Variants in ZNF263 observed in about 807,000 individuals in gnomAD.
ZNF263 encodes the protein zinc finger protein FPM315.
In ZNF263, 49 loss-of-function variants were observed where a neutral mutation model predicts 63.1. The ratio of observed to expected loss-of-function variants is 0.78; its 90% CI spans 0.62 to 0.99. The LOEUF is 0.99. Ranked by LOEUF, ZNF263 falls within the 50% of genes least tolerant of loss-of-function variation. The pLI is 0.00. For synonymous variants in ZNF263, 352 were observed against 324.2 expected (o/e 1.09, Z -0.92); for missense variants, 872 against 854.8 (o/e 1.02, Z -0.25).
At chr16:3,289,335 A>G (rs1019531389) in intron 5 of ZNF263, 58 bp from the exon 6 acceptor site, 2 of 1,480,350 alleles carry the variant, frequency 1.4e-6, no homozygotes, top group Non-Finnish European at 1.8e-6. Flanking sequence ...GACAGGTGGG[A>G]TTTTCTTTTC....
At chr16:3,294,082 C>T (rs889019221), downstream of ZNF263, among the ~76,000 whole-genome samples, 3 of 152,190 alleles carry the variant, frequency 2.0e-5, no homozygotes, top group South Asian at 2.1e-4. Flanking sequence ...CCCGCCACCA[C>T]GCCTGGCTAA....
In ZNF263 at chr16:3,290,689, G is replaced by T; in HGVS notation, c.*131G>T. ...TTCAGGTAATGGGGGCTCATTGTGA[G>T]GGAGGTGCAGAGGCAGCAGAGGATT... On this transcript the variant is annotated 3_prime_UTR_variant, in exon 6 of 6. Coordinates refer to ENST00000219069, the MANE Select transcript of ZNF263 (RefSeq NM_005741.5). The T allele has an allele frequency of 6.9e-7, 1 of 1,444,594 alleles. No homozygotes were observed. 89.5% of individuals were successfully genotyped at this position (1,444,594 alleles called of 1,614,324 possible).
chr16:3,292,943 C>T (rs1331136362), downstream of ZNF263: 1 of 152,228 alleles, frequency 6.6e-6, no homozygotes, highest in East Asian at 1.9e-4. Context: ...CAAAAGATTT[C>T]CTTCTAAGCA....
chr16:3,290,078 GA>G lies in ZNF263; in HGVS notation c.1576del (p.Ser526ValfsTer30). ...ERPYKCPECG[K>X]SFSRSSHLVI... ...GACCTTATAAGTGTCCCGAGTGTGG[GA>G]AAAGTTTCTCTCGGAGTTCACACCT... On this transcript the variant is annotated frameshift_variant, in exon 6 of 6. Transcript: ENST00000219069. LOFTEE classifies it high-confidence loss of function. 1 of 1,613,992 alleles carries G rather than the reference GA, an allele frequency of 6.2e-7. No individual in the cohort carries two copies. Among genetic ancestry groups the G allele is most frequent in the Non-Finnish European group, 8.5e-7 (1 of 1,179,992 alleles).
chr16:3,299,558 T>C, intron 2 of ZNF263: 1 of 1,532,646 alleles, frequency 6.5e-7, no homozygotes, highest in South Asian at 1.3e-5. Context: ...TCTTCAAATA[T>C]TACAAGACTC....
In ZNF263 at chr16:3,290,723, A is replaced by G; in HGVS notation, c.*165A>G. On this transcript the variant is annotated 3_prime_UTR_variant, in exon 6 of 6. Coordinates refer to ENST00000219069, the MANE Select transcript of ZNF263 (RefSeq NM_005741.5). Reference sequence around the variant, plus strand: ...AGAGGCAGCAGAGGATTGGCATAAAACTGAAAAGGAGTTCTGTCTGCATGA... The same window carrying G: ...AGAGGCAGCAGAGGATTGGCATAAAGCTGAAAAGGAGTTCTGTCTGCATGA... 7.0e-7 allele frequency: 1 copy of G among 1,420,230 alleles called. No homozygotes were observed. The highest frequency in any genetic ancestry group is 9.2e-7 in the Non-Finnish European group (1 of 1,092,562). 88.0% of individuals were successfully genotyped at this position (1,420,230 alleles called of 1,614,324 possible).
chr16:3,300,398 T>C (rs767495192), intron 2 of ZNF263: 9 of 1,614,222 alleles, frequency 5.6e-6, no homozygotes, highest in Middle Eastern at 1.6e-4. Context: ...TTGGCTCCCG[T>C]TGTCCTCTTT....
intron 1 of ZNF263, among the ~76,000 whole-genome samples, chr16:3,297,504 G>C (rs1269631067): frequency 8.9e-6 from 1 of 112,934 alleles, no homozygotes; most frequent in African/African-American, 3.5e-5. Context: ...TCGCTCTGTC[G>C]CCCAGGCTGG....
In ZNF263 at chr16:3,290,929, A is replaced by C. The variant is rs1959591303; in HGVS notation, c.*371A>C. ...GTGATGTTTTTGATACTTCTTCCTC[A>C]TTTGGGACATTCAGTAGGAGCATTT... On this transcript the variant is annotated 3_prime_UTR_variant, in exon 6 of 6. Coordinates refer to ENST00000219069, the MANE Select transcript of ZNF263 (RefSeq NM_005741.5). 2.0e-6 allele frequency: 2 copies of C among 1,009,934 alleles called. No individual in the cohort carries two copies. The highest frequency in any genetic ancestry group is 8.2e-5 in the South Asian group (2 of 24,304). 62.6% of individuals were successfully genotyped at this position (1,009,934 alleles called of 1,614,324 possible).
At chr16:3,300,348 T>C in intron 2 of ZNF263, 1 of 1,614,236 alleles carries the variant, frequency 6.2e-7, no homozygotes, top group Non-Finnish European at 8.5e-7. Context: ...AGCGTTTCTG[T>C]TGGTACCACA....
intron 4 of ZNF263, among the ~76,000 whole-genome samples, chr16:3,287,199 C>T (rs1285731326): frequency 6.6e-6 from 1 of 152,184 alleles, no homozygotes; most frequent in Non-Finnish European, 1.5e-5. Flanking sequence ...CAACCTCTGC[C>T]TCCCGGGTTC....
intron 1 of ZNF263, among the ~76,000 whole-genome samples, chr16:3,297,514 G>T (rs928038476): frequency 8.0e-5 from 11 of 137,014 alleles, no homozygotes; most frequent in Admixed American, 3.2e-4. Flanking sequence ...GCCCAGGCTG[G>T]AGTGCAGTGG....
intron 1 of ZNF263, among the ~76,000 whole-genome samples, chr16:3,297,534 G>A: frequency 7.3e-6 from 1 of 136,552 alleles, no homozygotes; most frequent in Non-Finnish European, 1.5e-5. Context: ...GCGCGATCTC[G>A]GCTCACTGCA....
intron 1 of ZNF263, 29 bp from the exon 2 acceptor site, chr16:3,285,030 G>A (rs1449531839): frequency 5.0e-6 from 8 of 1,612,580 alleles, no homozygotes; most frequent in Non-Finnish European, 6.8e-6. Context: ...GCCCTGTTGT[G>A]ATGATGAGTG....
At chr16:3,296,022 A>G (rs994059728), downstream of ZNF263, among the ~76,000 whole-genome samples, 3 of 152,110 alleles carry the variant, frequency 2.0e-5, no homozygotes, top group Admixed American at 1.3e-4. Flanking sequence ...GCAGAGACTG[A>G]GCCCCTGCTT....
chr16:3,286,375 T>C, intron 4 of ZNF263: 1 of 502,078 alleles, frequency 2.0e-6, no homozygotes, highest in Non-Finnish European at 3.3e-6. Context: ...CTAAGGCGAG[T>C]CTGAGCCATG....
At chr16:3,299,024 T>C (rs966881596) in intron 1 of ZNF263, 2 of 1,379,398 alleles carry the variant, frequency 1.4e-6, no homozygotes, top group African/African-American at 3.0e-5. Context: ...TTATGAGGCC[T>C]AGGTTTCAAA....
At chr16:3,284,635 C>A (rs959404613) in intron 1 of ZNF263, among the ~76,000 whole-genome samples, 1 of 152,172 alleles carries the variant, frequency 6.6e-6, no homozygotes, top group Non-Finnish European at 1.5e-5. Flanking sequence ...GTACTTGTTA[C>A]CTGTTGTTAT....
rs1273353234 is a variant in ZNF263, at chr16:3,284,007, A to G, written c.189A>G (p.Gln63=). The G allele has an allele frequency of 1.2e-6, 2 of 1,613,896 alleles. No individual in the cohort carries two copies. Among genetic ancestry groups the G allele is most frequent in the Non-Finnish European group, 8.5e-7 (1 of 1,179,966 alleles). Residue 63 remains glutamine, a synonymous_variant, in exon 1 of 6, where the codon CAA becomes CAG. Transcript: ENST00000219069. ...CCCGGGAAGCCCTCAGCCGGCTCCAAGAGCTTTGCCATGGGTGGCTTCGGC... is the reference window on the plus strand; with the variant it reads ...CCCGGGAAGCCCTCAGCCGGCTCCAGGAGCTTTGCCATGGGTGGCTTCGGC... The part of the protein sequence containing the change: ...AGPREALSRL[Q]ELCHGWLRPE...
Sources: allele counts gnomAD v4.1 joint callset (sites outside exome capture counted in the v4.1 genomes callset), GRCh38; gene constraint gnomAD v4.1.1; transcripts MANE v1.5; gene names NCBI Gene and HGNC (gene_info 2026-07-23, HGNC 2026-07-21).